Variants in ANO10 observed in about 807,000 individuals in gnomAD.
ANO10 encodes anoctamin 10, also known as anoctamin-10.
Under a neutral mutation model 74.7 loss-of-function variants are expected in ANO10, and 77 were observed. The ratio of observed to expected loss-of-function variants is 1.03; its 90% CI spans 0.86 to 1.25. The LOEUF is 1.25. ANO10 is among the 50% of genes most tolerant of loss of function. The probability of loss-of-function intolerance (pLI) is 0.00; values close to 1 mark genes in which losing one functional copy is unlikely to be tolerated. For missense variants in ANO10, 721 were observed against 778.1 expected, an observed-to-expected ratio of 0.93 and a Z score of 0.87; for synonymous variants, 279 against 284.9, an observed-to-expected ratio of 0.98 and a Z score of 0.21.
intron 1 of ANO10, among the ~76,000 whole-genome samples, chr3:43,608,384 T>G (rs912867130): frequency 3.9e-5 from 6 of 152,102 alleles, no homozygotes; most frequent in Non-Finnish European, 5.9e-5. Flanking sequence ...CTCACTCTTT[T>G]GCCCAGGCTG....
intron 10 of ANO10, among the ~76,000 whole-genome samples, chr3:43,552,702 A>G (rs1440024749): frequency 4.4e-5 from 1 of 22,524 alleles, no homozygotes; most frequent in Non-Finnish European, 1.1e-4. Flanking sequence ...CTCTGGATAT[A>G]TATATATATA....
At position 43,415,182 on chromosome 3, in the gene ANO10, G is replaced by T. The variant is rs576564770; in HGVS notation, c.1914+17429C>A. On this transcript the variant is annotated intron_variant, in intron 12 of 12. Coordinates refer to ENST00000292246, the MANE Select transcript of ANO10 (RefSeq NM_018075.5). ...AGTGGAAATGGGGTTTCACCATGCT[G>T]GCCAGGCTGGTCTTGAACTCCTGAC... Among the ~76,000 whole-genome samples, 8 of 151,832 alleles carry T rather than the reference G, an allele frequency of 5.3e-5. No individual in the cohort carries two copies. In the South Asian group the frequency reaches 1.5e-3, roughly 28 times the overall value.
At chr3:43,404,183 ACT>A (rs2092533735) in intron 12 of ANO10, among the ~76,000 whole-genome samples, 1 of 152,096 alleles carries the variant, frequency 6.6e-6, no homozygotes, top group South Asian at 2.1e-4. Context: ...GAGGCCAGAG[ACT>A]CTGAGCAGAG....
At chr3:43,488,025 A>T (rs893791575) in intron 11 of ANO10, among the ~76,000 whole-genome samples, 3 of 152,166 alleles carry the variant, frequency 2.0e-5, no homozygotes, top group Non-Finnish European at 2.9e-5. Flanking sequence ...CGTATCTACA[A>T]CTATCTGATC....
intron 1 of ANO10, among the ~76,000 whole-genome samples, chr3:43,630,035 A>G (rs944899634): frequency 6.6e-6 from 1 of 152,180 alleles, no homozygotes. Context: ...GAAAATAGCA[A>G]AGGAACTTGG....
chr3:43,545,563 A>G (rs1485140727), intron 11 of ANO10, among the ~76,000 whole-genome samples: 1 of 152,080 alleles, frequency 6.6e-6, no homozygotes, highest in African/African-American at 2.4e-5. Context: ...ACGGGGTTTC[A>G]TCATGTTGAC....
At position 43,517,934 on chromosome 3, in the gene ANO10, G is replaced by C. The variant is rs76687897; in HGVS notation, c.1797+31786C>G. Among the ~76,000 whole-genome samples, 1,453 of 152,244 alleles carry C rather than the reference G, an allele frequency of 9.5e-3. 21 individuals are homozygous for C. Among genetic ancestry groups the C allele is most frequent in the African/African-American group, 0.032 (1,327 of 41,548 alleles). ...ATTGTGGGCTGGTAAAAAATACTTTGTGGACTAACACCAGTCTGCAGATCA... is the reference window on the plus strand; with the variant it reads ...ATTGTGGGCTGGTAAAAAATACTTTCTGGACTAACACCAGTCTGCAGATCA... On this transcript the variant is annotated intron_variant, in intron 11 of 12. Transcript: ENST00000292246.
chr3:43,607,372 C>T (rs79075070), intron 1 of ANO10, among the ~76,000 whole-genome samples: 9 of 151,260 alleles, frequency 6.0e-5, no homozygotes, highest in Admixed American at 5.9e-4. Flanking sequence ...AAAAAAAAAC[C>T]AAGGCAATGG....
In ANO10 at chr3:43,527,941, C is replaced by T. The variant is rs551140972; in HGVS notation, c.1797+21779G>A. ...GGGAAGGATGGGGAGGAAAGATTTA[C>T]GGAAGGCTCAGGTATCTCCTGGAGG... is the stretch of plus-strand genomic sequence containing the variant. On this transcript the variant is annotated intron_variant, in intron 11 of 12. Coordinates refer to ENST00000292246, the MANE Select transcript of ANO10 (RefSeq NM_018075.5). 5.3e-5 allele frequency among the ~76,000 whole-genome samples: 8 copies of T among 152,138 alleles called. No homozygotes were observed. The East Asian group carries it at 1.2e-3, about 22-fold the overall frequency.
At chr3:43,483,223 C>A (rs1428122646) in intron 11 of ANO10, among the ~76,000 whole-genome samples, 4 of 152,160 alleles carry the variant, frequency 2.6e-5, no homozygotes, top group Non-Finnish European at 5.9e-5. Flanking sequence ...ATAATGACTT[C>A]CTGCGTAACT....
At position 43,576,947 on chromosome 3, in the gene ANO10, G is replaced by A; in HGVS notation, c.907C>T (p.Pro303Ser). ...GINSITGKEE[P>S]LYPSYKRQLR... ...TGTCTCTTGTAGCTGGGGTACAGAG[G>A]CTCCTCCTTCCCAGTGATGGAATTG... Residue 303 changes from proline (P) to serine (S), a missense_variant, in exon 6 of 13, where the codon CCT becomes TCT. Physicochemically the swap from Pro to Ser is moderately conservative, Grantham distance 74. Transcript: ENST00000292246. The A allele has an allele frequency of 6.2e-7, 1 of 1,614,060 alleles. No individual in the cohort carries two copies. Among genetic ancestry groups the A allele is most frequent in the South Asian group, 1.1e-5 (1 of 91,068 alleles).
chr3:43,612,139 T>TA (rs2082851263), intron 1 of ANO10, among the ~76,000 whole-genome samples: 3 of 78,026 alleles, frequency 3.8e-5, no homozygotes, highest in Admixed American at 1.6e-4. Context: ...AATTAAATAT[T>TA]TTATATATAT....
intron 1 of ANO10, among the ~76,000 whole-genome samples, chr3:43,662,226 C>T (rs923634902): frequency 3.9e-5 from 6 of 152,198 alleles, no homozygotes; most frequent in Non-Finnish European, 7.3e-5. Flanking sequence ...ACAGTTCAAT[C>T]AAATTAGAAC....
intron 11 of ANO10, among the ~76,000 whole-genome samples, chr3:43,432,944 C>A (rs201864170): frequency 3.6e-5 from 2 of 55,284 alleles, no homozygotes. Context: ...TTGCTTAATT[C>A]TTTTTTTTTT....
intron 9 of ANO10, among the ~76,000 whole-genome samples, chr3:43,557,734 CAAAAAAAAAAAA>C (rs893586520): frequency 3.9e-4 from 17 of 43,334 alleles, no homozygotes; most frequent in South Asian, 7.9e-4. Context: ...GACTCTGTCT[CAAAAAAAAAAAA>C]AAAAAAAAAA....
chr3:43,603,905 G>A (rs1369048662), intron 2 of ANO10, among the ~76,000 whole-genome samples: 1 of 152,140 alleles, frequency 6.6e-6, no homozygotes, highest in Non-Finnish European at 1.5e-5. Flanking sequence ...AGGTATGTGA[G>A]TGGTGGAGTA....
chr3:43,378,902 A>C (rs1263609771), intron 12 of ANO10, among the ~76,000 whole-genome samples: 1 of 152,170 alleles, frequency 6.6e-6, no homozygotes, highest in Non-Finnish European at 1.5e-5. Flanking sequence ...AGAAAAGTTA[A>C]TTTTTACTCA....
intron 4 of ANO10, among the ~76,000 whole-genome samples, chr3:43,588,941 G>C (rs1411551030): frequency 1.3e-5 from 2 of 152,164 alleles, no homozygotes; most frequent in African/African-American, 2.4e-5. Context: ...CTAGAGCTAT[G>C]ATGGATCAAG....
At chr3:43,586,589 T>C (rs1559743699) in intron 4 of ANO10, among the ~76,000 whole-genome samples, 1 of 151,976 alleles carries the variant, frequency 6.6e-6, no homozygotes, top group Non-Finnish European at 1.5e-5. Flanking sequence ...CATCGAGCTA[T>C]GCAAAAATAC....
Sources: allele counts gnomAD v4.1 joint callset (sites outside exome capture counted in the v4.1 genomes callset), GRCh38; gene constraint gnomAD v4.1.1; transcripts MANE v1.5; gene names NCBI Gene and HGNC (gene_info 2026-07-23, HGNC 2026-07-21).